CUX2: variants seen among roughly 807,000 people sequenced by gnomAD.
CUX2 encodes the protein cut like homeobox 2.
In CUX2, 40 loss-of-function variants were observed where a neutral mutation model predicts 144.8. That is an observed-to-expected ratio of 0.28 (90% confidence interval 0.21 to 0.36). CUX2 has a LOEUF of 0.36. CUX2 is among the 10% of genes least tolerant of loss of function. The pLI is 1.00. For synonymous variants in CUX2, 827 were observed against 875.6 expected, an observed-to-expected ratio of 0.94 and a Z score of 0.98; for missense variants, 1,615 against 1,994.0, an observed-to-expected ratio of 0.81 and a Z score of 3.62.
chr12:111,073,479 T>C (rs1176341947), intron 1 of CUX2, among the ~76,000 whole-genome samples: 1 of 152,074 alleles, frequency 6.6e-6, no homozygotes, highest in African/African-American at 2.4e-5. Flanking sequence ...ATTACTGTCT[T>C]TTAGTGCACA....
chr12:111,068,074 A>T lies in CUX2; in HGVS notation c.63+33834A>T, dbSNP rs895669453. Among the ~76,000 whole-genome samples, 2 of 151,714 alleles carry T rather than the reference A, an allele frequency of 1.3e-5. No homozygotes were observed. The highest frequency in any genetic ancestry group is 4.8e-5 in the African/African-American group (2 of 41,256). On this transcript the variant is annotated intron_variant, in intron 1 of 21. Transcript: ENST00000261726. This position sits in a 1 kb window ranked among gnomAD's most constrained non-coding sequence, Gnocchi z 4.9. ...AGGGAATGGCTTTTGCCCACTTTTA[A>T]AAAGTGGCCTGCAGAGCCTGGCGAA...
At chr12:111,114,103 A>G (rs1319590689) in intron 1 of CUX2, among the ~76,000 whole-genome samples, 2 of 152,202 alleles carry the variant, frequency 1.3e-5, no homozygotes, top group African/African-American at 4.8e-5. Context: ...ATACATACCT[A>G]GGAGTGGGAT....
At chr12:111,336,322 G>A (rs1381265362) in intron 19 of CUX2, among the ~76,000 whole-genome samples, 7 of 151,848 alleles carry the variant, frequency 4.6e-5, no homozygotes, top group Non-Finnish European at 1.0e-4. Flanking sequence ...ATAAAAATAA[G>A]ACATATTCAT....
intron 1 of CUX2, among the ~76,000 whole-genome samples, chr12:111,191,329 ATTTATTTATTTATTTATTTT>A (rs1300877959): frequency 6.7e-6 from 1 of 150,322 alleles, no homozygotes; most frequent in African/African-American, 2.5e-5. Flanking sequence ...TTATTTATTT[ATTTATTTATTTATTTATTTT>A]GAGACAGAGT....
chr12:111,219,035 G>T (rs561208346), intron 3 of CUX2, among the ~76,000 whole-genome samples: 15 of 152,262 alleles, frequency 9.9e-5, no homozygotes, highest in African/African-American at 3.4e-4. Context: ...CTGGACTCAG[G>T]CAGGACCCCA....
chr12:111,334,386 G>A (rs1888248477), intron 18 of CUX2, 55 bp from the exon 19 acceptor site: 1 of 1,513,050 alleles, frequency 6.6e-7, no homozygotes, highest in Non-Finnish European at 8.9e-7. Context: ...TCCCGAAAGT[G>A]GATGTGTCTG....
At chr12:111,100,043 C>T (rs2136066671) in intron 1 of CUX2, 1 of 456,730 alleles carries the variant, frequency 2.2e-6, no homozygotes, top group South Asian at 1.5e-5. Context: ...GCTGACGGGC[C>T]CTCGGAGCGG....
At chr12:111,340,893 A>C (rs900011531) in intron 20 of CUX2, among the ~76,000 whole-genome samples, 2 of 152,198 alleles carry the variant, frequency 1.3e-5, no homozygotes, top group Non-Finnish European at 2.9e-5. Context: ...GTTGCTAGCC[A>C]GTCAGGACAA....
chr12:111,341,681 G>A (rs1888583528), intron 20 of CUX2, 99 bp from the exon 21 acceptor site: 2 of 1,387,312 alleles, frequency 1.4e-6, no homozygotes, highest in Non-Finnish European at 1.9e-6. Flanking sequence ...GCCTCCGAGT[G>A]GGCCTGACAG....
intron 1 of CUX2, among the ~76,000 whole-genome samples, chr12:111,191,266 T>C (rs1050377166): frequency 2.6e-5 from 4 of 152,100 alleles, no homozygotes; most frequent in Non-Finnish European, 4.4e-5. Flanking sequence ...ACAGGGGTCA[T>C]TGTGTGGCTG....
chr12:111,294,403 C>CAT (rs1041609509), intron 6 of CUX2, among the ~76,000 whole-genome samples: 4 of 151,846 alleles, frequency 2.6e-5, no homozygotes, highest in Admixed American at 6.6e-5. Context: ...TCTGTGTGCC[C>CAT]ATATATATAT....
intron 1 of CUX2, among the ~76,000 whole-genome samples, chr12:111,183,622 T>C (rs1879329567): frequency 6.6e-6 from 1 of 152,218 alleles, no homozygotes; most frequent in African/African-American, 2.4e-5. Flanking sequence ...TAGCTTTGTG[T>C]GACCTTGGGC....
intron 1 of CUX2, among the ~76,000 whole-genome samples, chr12:111,179,927 G>T (rs1403782088): frequency 6.6e-6 from 1 of 152,166 alleles, no homozygotes; most frequent in East Asian, 1.9e-4. Flanking sequence ...CAGGGGACCT[G>T]CCCGCCTGGC....
intron 1 of CUX2, among the ~76,000 whole-genome samples, chr12:111,129,497 T>G (rs920893269): frequency 1.3e-5 from 2 of 152,236 alleles, no homozygotes; most frequent in Non-Finnish European, 2.9e-5. Flanking sequence ...ATTCAGGCAA[T>G]GAAACCACAT....
intron 1 of CUX2, among the ~76,000 whole-genome samples, chr12:111,070,769 C>G (rs1166634185): frequency 1.3e-5 from 2 of 152,146 alleles, no homozygotes; most frequent in Non-Finnish European, 2.9e-5. Context: ...TTCATCCCTC[C>G]CTGCTCCCTC....
chr12:111,118,355 T>C (rs908567655), intron 1 of CUX2, among the ~76,000 whole-genome samples: 3 of 152,316 alleles, frequency 2.0e-5, no homozygotes, highest in South Asian at 2.1e-4. Context: ...AAATACAACA[T>C]GTTAAAGCAT....
chr12:111,120,223 T>C (rs984044377), intron 1 of CUX2, among the ~76,000 whole-genome samples: 1 of 152,134 alleles, frequency 6.6e-6, no homozygotes, highest in Non-Finnish European at 1.5e-5. Flanking sequence ...CTCTATATCA[T>C]TGCTATGCCC....
chr12:111,152,128 A>G (rs1464315624), intron 1 of CUX2, among the ~76,000 whole-genome samples: 1 of 152,066 alleles, frequency 6.6e-6, no homozygotes, highest in African/African-American at 2.4e-5. Context: ...TTACAAAAAT[A>G]CAAAAATTAG....
chr12:111,294,216 TC>T (rs1885845242), intron 6 of CUX2, among the ~76,000 whole-genome samples: 1 of 152,166 alleles, frequency 6.6e-6, no homozygotes, highest in South Asian at 2.1e-4. Flanking sequence ...TAAGCAATTC[TC>T]CTGCCTCAGC....
Sources: gnomAD v4.1 joint callset for allele counts (sites outside exome capture counted in the v4.1 genomes callset) on GRCh38, gnomAD v4.1.1 for gene constraint, Gnocchi (gnomAD v3.1) non-coding constraint, MANE v1.5 for transcripts, NCBI Gene and HGNC (gene_info 2026-07-23, HGNC 2026-07-21) for gene names.